APOOL: variants seen among roughly 807,000 people sequenced by gnomAD.
APOOL encodes apolipoprotein O like.
In APOOL, 12 loss-of-function variants were observed where a neutral mutation model predicts 23.1. The ratio of observed to expected loss-of-function variants is 0.52; its 90% CI spans 0.33 to 0.84. The LOEUF (loss-of-function observed/expected upper bound fraction) is 0.84, where lower values mean the gene tolerates loss of function less well. APOOL is among the 40% of genes least tolerant of loss of function. APOOL has a pLI of 0.02. For synonymous variants in APOOL, 77 were observed against 69.9 expected (o/e 1.10, Z -0.51); for missense variants, 212 against 199.6 (o/e 1.06, Z -0.37).
chrX:85,028,247 T>C (rs1921908546), intron 1 of APOOL, among the ~76,000 whole-genome samples: 1 of 111,520 alleles, frequency 9.0e-6, no homozygotes. Context: ...TCTTTGCCTT[T>C]TGTATTTGCT....
intron 1 of APOOL, among the ~76,000 whole-genome samples, chrX:85,037,750 G>A (rs1922263201): frequency 9.0e-6 from 1 of 110,934 alleles, no homozygotes; most frequent in African/African-American, 3.3e-5. Context: ...TTGAACAAGT[G>A]GTGCTGGGAT....
In APOOL at chrX:85,090,038, T is replaced by C. The variant is rs991906091; in HGVS notation, c.*2360T>C. The C allele has an allele frequency of 1.8e-5, 2 of 109,917 alleles. No individual in the cohort carries two copies. The highest frequency in any genetic ancestry group is 6.6e-5 in the African/African-American group (2 of 30,187). 9.1% of individuals were successfully genotyped at this position (109,917 alleles called of 1,213,427 possible). ...AGTATAGGGTTGGGACAGTGGCTCA[T>C]TGGTGCTATCAAGGACGTAGACTTT... On this transcript the variant is annotated 3_prime_UTR_variant, in exon 9 of 9. Transcript: ENST00000373173.
chrX:85,023,664 G>A (rs1443616300), intron 1 of APOOL, among the ~76,000 whole-genome samples: 2 of 111,817 alleles, frequency 1.8e-5, no homozygotes, highest in Non-Finnish European at 3.8e-5. Context: ...CTATTCCAAC[G>A]CTATAATAAT....
chrX:85,066,581 T>C (rs996618564), intron 5 of APOOL, among the ~76,000 whole-genome samples: 2 of 111,600 alleles, frequency 1.8e-5, no homozygotes, highest in Non-Finnish European at 3.8e-5. Flanking sequence ...GCATTACTTA[T>C]GTCAGGTTAC....
At chrX:85,072,921 A>T (rs1245465445) in intron 6 of APOOL, among the ~76,000 whole-genome samples, 1 of 112,029 alleles carries the variant, frequency 8.9e-6, no homozygotes, top group Admixed American at 9.5e-5. Context: ...TTTTCAAATT[A>T]GTGGTTCATC....
At chrX:85,064,649 T>C (rs1160089123) in intron 5 of APOOL, among the ~76,000 whole-genome samples, 1 of 111,803 alleles carries the variant, frequency 8.9e-6, no homozygotes, top group East Asian at 2.8e-4. Context: ...CCAGAAGTCA[T>C]TCAAGAACAG....
intron 1 of APOOL, among the ~76,000 whole-genome samples, chrX:85,008,535 T>TTTTGTGTGTGTGTG (rs778983009): frequency 1.2e-5 from 1 of 86,134 alleles, no homozygotes; most frequent in South Asian, 7.1e-4. Context: ...TGATAACCCG[T>TTTTGTGTGTGTGTG]TGTGTGTGTG....
At chrX:85,017,688 G>A (rs1210859666) in intron 1 of APOOL, among the ~76,000 whole-genome samples, 1 of 111,521 alleles carries the variant, frequency 9.0e-6, no homozygotes, top group Non-Finnish European at 1.9e-5. Flanking sequence ...GCTTGAGCTG[G>A]AGACTCTGAG....
At chrX:85,007,882 T>G (rs753760361) in intron 1 of APOOL, among the ~76,000 whole-genome samples, 4 of 112,076 alleles carry the variant, frequency 3.6e-5, no homozygotes, top group Non-Finnish European at 7.5e-5. Flanking sequence ...TTGATACTCA[T>G]TATTTCATTT....
At chrX:85,053,012 C>T (rs1379790222) in intron 3 of APOOL, among the ~76,000 whole-genome samples, 1 of 111,523 alleles carries the variant, frequency 9.0e-6, no homozygotes, top group African/African-American at 3.2e-5. Context: ...TAAATGTAAA[C>T]AATTTTTTTT....
chrX:85,074,176 T>C (rs1021544086), intron 7 of APOOL, 65 bp downstream of exon 7: 84 of 1,139,059 alleles, frequency 7.4e-5, no homozygotes, highest in Non-Finnish European at 9.3e-5. Flanking sequence ...TGGCTTGTAA[T>C]GAGGGTACTG....
chrX:85,029,676 A>G (rs1921965201), intron 1 of APOOL, among the ~76,000 whole-genome samples: 1 of 111,918 alleles, frequency 8.9e-6, no homozygotes, highest in African/African-American at 3.2e-5. Context: ...ATCACCAAGA[A>G]AAACAAATAA....
chrX:85,064,156 G>T (rs1923348403), intron 5 of APOOL, among the ~76,000 whole-genome samples: 1 of 110,803 alleles, frequency 9.0e-6, no homozygotes, highest in Non-Finnish European at 1.9e-5. Context: ...TAGTATATTT[G>T]CATAGAAGTG....
chrX:85,092,885 T>A lies in APOOL; in HGVS notation c.*5207T>A, dbSNP rs1346484569. ...TTTTATAGTCTTGTAATATTCATAC[T>A]GTGAGCCTGTGTTTTTGAATAAAAA... On this transcript the variant is annotated 3_prime_UTR_variant, in exon 9 of 9. Coordinates refer to ENST00000373173, the MANE Select transcript of APOOL (RefSeq NM_198450.6). 1.2e-5 allele frequency: 4 copies of A among 323,936 alleles called. No individual in the cohort carries two copies. Among genetic ancestry groups the A allele is most frequent in the African/African-American group, 2.6e-5 (1 of 37,942 alleles). The allele number at this position is 323,936 out of a possible 1,213,427, so 26.7% of individuals were successfully genotyped here.
At chrX:85,070,986 C>T (rs894110870) in intron 6 of APOOL, among the ~76,000 whole-genome samples, 3 of 111,503 alleles carry the variant, frequency 2.7e-5, no homozygotes, top group African/African-American at 6.5e-5. Context: ...TGCTATTTAA[C>T]CATTAAAAAC....
chrX:85,034,623 C>G (rs1056588627), intron 1 of APOOL, among the ~76,000 whole-genome samples: 18 of 111,562 alleles, frequency 1.6e-4, no homozygotes, highest in Non-Finnish European at 2.8e-4. Flanking sequence ...CTCCCTCCCC[C>G]ATCTACTAGT....
At chrX:85,012,232 A>G (rs925304003) in intron 1 of APOOL, among the ~76,000 whole-genome samples, 3 of 111,722 alleles carry the variant, frequency 2.7e-5, no homozygotes, top group African/African-American at 9.8e-5. Flanking sequence ...TGTTAGATCT[A>G]GGAGCTTTTT....
At chrX:85,057,553 GTA>G (rs200247794) in intron 5 of APOOL, among the ~76,000 whole-genome samples, 3 of 103,551 alleles carry the variant, frequency 2.9e-5, no homozygotes, top group Non-Finnish European at 5.9e-5. Flanking sequence ...TTCTTATTGT[GTA>G]TATATATATA....
chrX:85,075,881 T>A lies in APOOL; in HGVS notation c.718+1490T>A, dbSNP rs1279330613. On this transcript the variant is annotated intron_variant, in intron 8 of 8. Coordinates refer to ENST00000373173, the MANE Select transcript of APOOL (RefSeq NM_198450.6). ...TCTTATCATAGATGTCTTGGTCAGT[T>A]TGAGCTGCTGTAAAAAATACCATAG... Among the ~76,000 whole-genome samples the A allele has an allele frequency of 2.7e-5, 3 of 111,559 alleles. No homozygotes were observed. In the Admixed American group the frequency reaches 2.9e-4, roughly 11 times the overall value.
Sources: gnomAD v4.1 joint callset for allele counts (sites outside exome capture counted in the v4.1 genomes callset) on GRCh38, gnomAD v4.1.1 for gene constraint, MANE v1.5 for transcripts, NCBI Gene and HGNC (gene_info 2026-07-23, HGNC 2026-07-21) for gene names.